Variants in ITGB3BP observed in about 807,000 individuals in gnomAD.
ITGB3BP encodes integrin subunit beta 3 binding protein.
Under a neutral mutation model 29.1 loss-of-function variants are expected in ITGB3BP, and 27 were observed. The ratio of observed to expected loss-of-function variants is 0.93; its 90% CI spans 0.68 to 1.28. The LOEUF (loss-of-function observed/expected upper bound fraction) is 1.28, where lower values mean the gene tolerates loss of function less well. Among genes scored for constraint, ITGB3BP ranks in the 50% most tolerant of loss-of-function variants. The pLI is 0.00. For synonymous variants in ITGB3BP, 61 were observed against 61.4 expected, an observed-to-expected ratio of 0.99 and a Z score of 0.03; for missense variants, 192 against 200.2, an observed-to-expected ratio of 0.96 and a Z score of 0.25.
At chr1:63,528,587 AC>A (rs1309693965) in intron 2 of ITGB3BP, among the ~76,000 whole-genome samples, 2 of 152,218 alleles carry the variant, frequency 1.3e-5, no homozygotes, top group African/African-American at 4.8e-5. Flanking sequence ...ATTGTTTGAA[AC>A]AAAGGATAAA....
intron 2 of ITGB3BP, among the ~76,000 whole-genome samples, chr1:63,503,783 T>C (rs1214044981): frequency 6.6e-6 from 1 of 152,216 alleles, no homozygotes; most frequent in Non-Finnish European, 1.5e-5. Flanking sequence ...GTTTCCCCAT[T>C]TCTCGTTTTT....
intron 4 of ITGB3BP, among the ~76,000 whole-genome samples, chr1:63,470,075 A>G (rs747910999): frequency 4.6e-5 from 7 of 152,262 alleles, no homozygotes; most frequent in Admixed American, 2.0e-4. Flanking sequence ...CCTTTAATTC[A>G]GCCCATCCCA....
intron 2 of ITGB3BP, among the ~76,000 whole-genome samples, chr1:63,507,002 A>G (rs1302726521): frequency 1.3e-5 from 2 of 152,320 alleles, no homozygotes; most frequent in East Asian, 3.9e-4. Flanking sequence ...AGAGTAGATG[A>G]AGTGTGTATG....
intron 1 of ITGB3BP, among the ~76,000 whole-genome samples, chr1:63,521,502 C>A (rs1646443940): frequency 6.6e-6 from 1 of 152,044 alleles, no homozygotes; most frequent in Non-Finnish European, 1.5e-5. Context: ...AATATAACAT[C>A]TTGTGTGCAT....
At chr1:63,460,572 CTT>C (rs1344624704) in intron 4 of ITGB3BP, among the ~76,000 whole-genome samples, 2 of 152,072 alleles carry the variant, frequency 1.3e-5, no homozygotes. Flanking sequence ...TGTTTCCTGT[CTT>C]TTGGTTATTG....
At chr1:63,451,591 A>C (rs1644860843) in intron 7 of ITGB3BP, 1 of 151,986 alleles carries the variant, frequency 6.6e-6, no homozygotes, top group Non-Finnish European at 1.5e-5. Context: ...ATGTGTGTGC[A>C]CATTTGTGTG....
intron 1 of ITGB3BP, among the ~76,000 whole-genome samples, chr1:63,509,170 T>C (rs1267973986): frequency 6.6e-6 from 1 of 152,224 alleles, no homozygotes; most frequent in Non-Finnish European, 1.5e-5. Context: ...GATTCAGGAA[T>C]ATGCCAGGCT....
In ITGB3BP at chr1:63,453,891, G is replaced by A. The variant is rs1243937428; in HGVS notation, c.484+27C>T. 5 of 1,381,144 alleles carry A rather than the reference G, an allele frequency of 3.6e-6. No individual in the cohort carries two copies. The Admixed American group carries it at 9.0e-5, about 25-fold the overall frequency. 85.6% of individuals were successfully genotyped at this position (1,381,144 alleles called of 1,614,324 possible). On this transcript the variant is annotated intron_variant, in intron 7 of 8. Transcript: ENST00000271002. ...CAAAATGGGATGAAAGCATCTTTAT[G>A]TAATAAACTAAAACACAACTACTTA...
chr1:63,474,485 C>T (rs1488288462), intron 4 of ITGB3BP, among the ~76,000 whole-genome samples: 1 of 151,266 alleles, frequency 6.6e-6, no homozygotes, highest in African/African-American at 2.4e-5. Context: ...ATTGAGAAAT[C>T]GGATGGTTGC....
intron 4 of ITGB3BP, among the ~76,000 whole-genome samples, chr1:63,465,420 A>C (rs547577905): frequency 6.6e-6 from 1 of 151,106 alleles, no homozygotes; most frequent in Non-Finnish European, 1.5e-5. Context: ...TACCCGTGGG[A>C]TTTTTTTCTT....
intron 4 of ITGB3BP, among the ~76,000 whole-genome samples, chr1:63,468,467 C>T (rs1645137734): frequency 6.6e-6 from 1 of 152,184 alleles, no homozygotes; most frequent in Non-Finnish European, 1.5e-5. Flanking sequence ...GTGGCTCACG[C>T]CTGTAATCCC....
intron 2 of ITGB3BP, among the ~76,000 whole-genome samples, chr1:63,499,442 C>T (rs371006248): frequency 2.6e-5 from 4 of 152,182 alleles, no homozygotes; most frequent in South Asian, 2.1e-4. Context: ...TGAGCCACTG[C>T]GCCCAGCCTT....
intron 3 of ITGB3BP, 123 bp downstream of exon 3, chr1:63,489,960 T>C: frequency 1.2e-6 from 1 of 817,650 alleles, no homozygotes; most frequent in Non-Finnish European, 1.9e-6. Flanking sequence ...ATTAAGGTAT[T>C]AAATTATTTG....
At chr1:63,452,633 CT>C (rs57856763) in intron 7 of ITGB3BP, among the ~76,000 whole-genome samples, 1,212 of 15,394 alleles carry the variant, frequency 0.079, 14 homozygotes, top group Middle Eastern at 0.29. Context: ...TCTTTTCTTT[CT>C]TTTTTTTTTT....
At chr1:63,491,259 AAATGTGTACT>A (rs1167824622) in intron 2 of ITGB3BP, among the ~76,000 whole-genome samples, 2 of 152,208 alleles carry the variant, frequency 1.3e-5, no homozygotes, top group East Asian at 3.8e-4. Flanking sequence ...CAGCACTGCT[AAATGTGTACT>A]AATGTGTACA....
In ITGB3BP at chr1:63,454,941, C is replaced by T; in HGVS notation, c.282G>A (p.Glu94=). The change falls in exon 5 of 9, where the codon GAG becomes GAA. Residue 94 remains glutamate (E), a synonymous_variant. Transcript: ENST00000271002. The surrounding 1 kb of genome is among the most constrained non-coding windows in gnomAD (Gnocchi z 4.1). ...DEFMMLLSKV[E]KLSEEIMEIM... ...TCTCCATGATTTCTTCTGACAATTT[C>T]TCAACTTTTGATAGCAACATCATGA... The T allele has an allele frequency of 1.9e-6, 3 of 1,567,820 alleles. No homozygotes were observed. The highest frequency in any genetic ancestry group is 2.6e-6 in the Non-Finnish European group (3 of 1,139,360).
upstream of ITGB3BP, among the ~76,000 whole-genome samples, chr1:63,524,549 C>T (rs535411811): frequency 7.2e-5 from 11 of 152,202 alleles, no homozygotes; most frequent in Non-Finnish European, 1.6e-4. Context: ...TGAAGGGGAC[C>T]CTACCTGTGT....
At chr1:63,509,268 T>G (rs1388264020) in intron 1 of ITGB3BP, among the ~76,000 whole-genome samples, 1 of 152,232 alleles carries the variant, frequency 6.6e-6, no homozygotes, top group Non-Finnish European at 1.5e-5. Flanking sequence ...TTATAATACT[T>G]TATTTCATAC....
At chr1:63,515,425 T>C (rs929375437) in intron 1 of ITGB3BP, among the ~76,000 whole-genome samples, 1 of 152,072 alleles carries the variant, frequency 6.6e-6, no homozygotes, top group South Asian at 2.1e-4. Context: ...AACTTCATTC[T>C]TTTTTTTCAA....
Sources: gnomAD v4.1 joint callset for allele counts (sites outside exome capture counted in the v4.1 genomes callset) on GRCh38, gnomAD v4.1.1 for gene constraint, Gnocchi (gnomAD v3.1) non-coding constraint, MANE v1.5 for transcripts, NCBI Gene and HGNC (gene_info 2026-07-23, HGNC 2026-07-21) for gene names.